Variants in ASH1L observed in about 807,000 individuals in gnomAD.
ASH1L encodes the protein histone-lysine N-methyltransferase ASH1L.
ASH1L carries 23 observed loss-of-function variants against 269.0 expected under a neutral mutation model. The observed-to-expected ratio is 0.09, with a 90% CI of 0.06 to 0.12. The LOEUF is 0.12. Ranked by LOEUF, ASH1L falls within the 10% of genes least tolerant of loss-of-function variation. ASH1L has a pLI of 1.00. For missense variants in ASH1L, 2,912 were observed against 3,567.8 expected, an observed-to-expected ratio of 0.82 and a Z score of 4.68; for synonymous variants, 1,187 against 1,253.5, an observed-to-expected ratio of 0.95 and a Z score of 1.12.
At chr1:155,362,531 C>G (rs1655058756) in intron 12 of ASH1L, among the ~76,000 whole-genome samples, 2 of 151,806 alleles carry the variant, frequency 1.3e-5, no homozygotes, top group Admixed American at 1.3e-4. Flanking sequence ...TATTATAACC[C>G]TCATACTACA....
intron 2 of ASH1L, among the ~76,000 whole-genome samples, chr1:155,500,140 G>C (rs897651756): frequency 6.6e-6 from 1 of 152,192 alleles, no homozygotes; most frequent in African/African-American, 2.4e-5. Context: ...CCATTTAAGG[G>C]AGCTCATGCT....
chr1:155,376,458 C>T (rs1656450517), intron 10 of ASH1L, among the ~76,000 whole-genome samples: 1 of 152,202 alleles, frequency 6.6e-6, no homozygotes, highest in Non-Finnish European at 1.5e-5. Context: ...ACAACAAATT[C>T]TATATCCACT....
At chr1:155,532,873 A>G (rs149642748) in intron 1 of ASH1L, among the ~76,000 whole-genome samples, 579 of 148,890 alleles carry the variant, frequency 3.9e-3, no homozygotes, top group South Asian at 6.5e-3. Flanking sequence ...ATATATGTGT[A>G]TATATATGTA....
chr1:155,527,553 T>G (rs1024621438), intron 1 of ASH1L, among the ~76,000 whole-genome samples: 2 of 128,960 alleles, frequency 1.6e-5, no homozygotes, highest in East Asian at 3.3e-4. Flanking sequence ...TTTTTTTTTT[T>G]TGAGTCAAGG....
rs554023633 is a variant in ASH1L, at chr1:155,375,170, T to TA, written c.6332+3110dup. Among the ~76,000 whole-genome samples the TA allele has an allele frequency of 1.8e-3, 267 of 152,100 alleles. 2 individuals carry two copies. Among genetic ancestry groups the TA allele is most frequent in the Non-Finnish European group, 3.0e-3 (201 of 67,990 alleles). ...ACATACTATAAACTGCATCCGGATT[T>TA]AAAAAAACCCTGAAGTATAAATAAA... is the stretch of plus-strand genomic sequence containing the variant. On this transcript the variant is annotated intron_variant, in intron 10 of 27. Transcript: ENST00000392403.
chr1:155,425,079 C>T (rs1297380542), intron 5 of ASH1L, among the ~76,000 whole-genome samples: 1 of 151,902 alleles, frequency 6.6e-6, no homozygotes, highest in African/African-American at 2.4e-5. Context: ...AAGTTATTCT[C>T]CTGCCTCAGC....
chr1:155,429,604 AT>A (rs1234955115), intron 5 of ASH1L, among the ~76,000 whole-genome samples: 1 of 152,160 alleles, frequency 6.6e-6, no homozygotes, highest in Non-Finnish European at 1.5e-5. Flanking sequence ...AATAAGCTGT[AT>A]TGTTTAGAGC....
chr1:155,524,470 C>T (rs1458404838), intron 1 of ASH1L, among the ~76,000 whole-genome samples: 3 of 147,104 alleles, frequency 2.0e-5, no homozygotes, highest in Admixed American at 7.0e-5. Flanking sequence ...TGCAGTGAGC[C>T]GAGATTGTGC....
At chr1:155,424,007 G>C (rs1260264535) in intron 5 of ASH1L, among the ~76,000 whole-genome samples, 1 of 151,948 alleles carries the variant, frequency 6.6e-6, no homozygotes, top group African/African-American at 2.4e-5. Flanking sequence ...TTATAGGTGC[G>C]AGCCACCGTG....
intron 1 of ASH1L, among the ~76,000 whole-genome samples, chr1:155,549,749 C>A (rs1030518802): frequency 1.8e-4 from 27 of 152,184 alleles, no homozygotes; most frequent in African/African-American, 6.5e-4. Context: ...GGGAACCAAT[C>A]TCTCACAGAT....
At chr1:155,533,115 T>C (rs1323614871) in intron 1 of ASH1L, among the ~76,000 whole-genome samples, 3 of 151,908 alleles carry the variant, frequency 2.0e-5, no homozygotes, top group East Asian at 3.9e-4. Context: ...ATAGCCATGC[T>C]TTGATGGAAC....
At chr1:155,438,034 A>G (rs983218091) in intron 5 of ASH1L, among the ~76,000 whole-genome samples, 1 of 152,106 alleles carries the variant, frequency 6.6e-6, no homozygotes, top group African/African-American at 2.4e-5. Context: ...TTTTTAGTAG[A>G]GAAAGGGTTT....
In ASH1L at chr1:155,480,067, A is replaced by G. The variant is rs778217115; in HGVS notation, c.2803T>C (p.Phe935Leu). The part of the protein sequence containing the change: ...ESDNHRSSSD[F>L]FESEDQLQDP... ...TGAAGTTGATCCTCGCTCTCAAAGA[A>G]ATCACTGCTACTTCTATGGTTGTCA... Residue 935 changes from phenylalanine (F) to leucine (L), a missense_variant, in exon 3 of 28, where the codon TTC becomes CTC. This residue lies in a region of ASH1L where 715 missense variants were observed against 721.0 expected (regional missense o/e 0.99). Transcript: ENST00000392403. The G allele has an allele frequency of 6.2e-7, 1 of 1,614,086 alleles. No homozygotes were observed. Among genetic ancestry groups the G allele is most frequent in the South Asian group, 1.1e-5 (1 of 91,086 alleles).
At chr1:155,355,299 C>T (rs1368666696) in intron 15 of ASH1L, among the ~76,000 whole-genome samples, 1 of 152,262 alleles carries the variant, frequency 6.6e-6, no homozygotes, top group Non-Finnish European at 1.5e-5. Flanking sequence ...GATCCACCCG[C>T]CTTGGCCTCC....
intron 10 of ASH1L, among the ~76,000 whole-genome samples, chr1:155,371,843 G>GC (rs1655979134): frequency 6.6e-6 from 1 of 151,390 alleles, no homozygotes; most frequent in Non-Finnish European, 1.5e-5. Context: ...ACAGATGTGT[G>GC]TCACCACACC....
At chr1:155,413,427 G>A (rs1659959709) in intron 6 of ASH1L, among the ~76,000 whole-genome samples, 1 of 152,160 alleles carries the variant, frequency 6.6e-6, no homozygotes, top group Non-Finnish European at 1.5e-5. Flanking sequence ...CCAACATGGT[G>A]AAAGCCCATC....
At chr1:155,542,539 ACT>A (rs1392128115) in intron 1 of ASH1L, among the ~76,000 whole-genome samples, 1 of 151,742 alleles carries the variant, frequency 6.6e-6, no homozygotes, top group African/African-American at 2.4e-5. Context: ...ACAGAGCAAG[ACT>A]CTGTCTCAAA....
intron 6 of ASH1L, among the ~76,000 whole-genome samples, chr1:155,414,421 TG>T: frequency 6.6e-6 from 1 of 152,306 alleles, no homozygotes; most frequent in South Asian, 2.1e-4. Context: ...GCGATTCTCC[TG>T]CCTCAGCCTC....
rs1655863889 is a variant in ASH1L, at chr1:155,370,666, A to C, written c.6540-16T>G. The C allele has an allele frequency of 6.2e-7, 1 of 1,613,726 alleles. No homozygotes were observed. ...CATCCTGTTCCTAAAGAGAAGATAA[A>C]TGATTGAAAGACAATTAAAGAGTAG... is the stretch of plus-strand genomic sequence containing the variant. On this transcript the variant is annotated splice_polypyrimidine_tract_variant and intron_variant, in intron 11 of 27. Transcript: ENST00000392403.
Sources: allele counts gnomAD v4.1 joint callset (sites outside exome capture counted in the v4.1 genomes callset), GRCh38; gene constraint gnomAD v4.1.1; regional missense constraint gnomAD v4.1.1; transcripts MANE v1.5; gene names NCBI Gene and HGNC (gene_info 2026-07-23, HGNC 2026-07-21).